The following EYA2 variants were observed in gnomAD, a reference collection of about 807,000 sequenced individuals.
EYA2 encodes protein phosphatase EYA2.
EYA2 carries 31 observed loss-of-function variants against 69.2 expected under a neutral mutation model. The observed-to-expected ratio is 0.45, with a 90% CI of 0.34 to 0.60. The LOEUF is 0.60. Among genes scored for constraint, EYA2 ranks in the 20% least tolerant of loss-of-function variants. The probability of loss-of-function intolerance (pLI) is 0.02; values close to 1 mark genes in which losing one functional copy is unlikely to be tolerated. For synonymous variants in EYA2, 257 were observed against 279.4 expected, an observed-to-expected ratio of 0.92 and a Z score of 0.80; for missense variants, 622 against 701.2, an observed-to-expected ratio of 0.89 and a Z score of 1.28.
chr20:46,908,352 G>A (rs147032633), intron 1 of EYA2, among the ~76,000 whole-genome samples: 21 of 152,298 alleles, frequency 1.4e-4, no homozygotes, highest in East Asian at 9.6e-4. Flanking sequence ...GGAATGCAGC[G>A]CTGAAGGAAT....
intron 9 of EYA2, among the ~76,000 whole-genome samples, chr20:47,140,094 C>T (rs2033563439): frequency 6.6e-6 from 1 of 152,152 alleles, no homozygotes; most frequent in South Asian, 2.1e-4. Context: ...TGCTTCTTGT[C>T]CAGTACATGG....
intron 9 of EYA2, among the ~76,000 whole-genome samples, chr20:47,136,891 C>T (rs2033489436): frequency 6.6e-6 from 1 of 152,168 alleles, no homozygotes; most frequent in African/African-American, 2.4e-5. Flanking sequence ...CCCACCACAC[C>T]ATCATAAAAA....
At chr20:47,089,503 C>T in intron 8 of EYA2, 122 bp downstream of exon 8, 1 of 1,168,204 alleles carries the variant, frequency 8.6e-7, no homozygotes. Context: ...TTTTACAAAG[C>T]ATGAGCAGGG....
At chr20:46,899,395 A>G (rs1240070875) in intron 1 of EYA2, among the ~76,000 whole-genome samples, 1 of 152,252 alleles carries the variant, frequency 6.6e-6, no homozygotes, top group Non-Finnish European at 1.5e-5. Context: ...AACCTCTGTG[A>G]GCCATGACCC....
intron 15 of EYA2, 42 bp downstream of exon 15, chr20:47,183,433 G>T: frequency 1.3e-6 from 2 of 1,588,610 alleles, no homozygotes; most frequent in South Asian, 2.2e-5. Context: ...CTGCTCTTTC[G>T]AGCACCCCTC....
chr20:46,898,047 A>G (rs549491673), intron 1 of EYA2, among the ~76,000 whole-genome samples: 1 of 152,254 alleles, frequency 6.6e-6, no homozygotes, highest in Admixed American at 6.5e-5. Context: ...GCCTGGCCTG[A>G]CATAAATTCC....
chr20:47,107,538 AAAAG>A (rs1386440102), intron 9 of EYA2, among the ~76,000 whole-genome samples: 1 of 148,890 alleles, frequency 6.7e-6, no homozygotes, highest in Non-Finnish European at 1.5e-5. Flanking sequence ...AAAAAAAAAA[AAAAG>A]AAAGAAAGAA....
At chr20:46,928,142 G>A (rs1476252797) in intron 1 of EYA2, among the ~76,000 whole-genome samples, 6 of 152,182 alleles carry the variant, frequency 3.9e-5, no homozygotes, top group Non-Finnish European at 7.3e-5. Flanking sequence ...ACATTACTCA[G>A]CTCTGCACTG....
chr20:46,924,224 C>A (rs762875291), intron 1 of EYA2, among the ~76,000 whole-genome samples: 1 of 152,070 alleles, frequency 6.6e-6, no homozygotes, highest in Non-Finnish European at 1.5e-5. Context: ...TGACAGTGCA[C>A]GGTATGGGTG....
chr20:47,098,440 G>T (rs2032318857), intron 9 of EYA2, among the ~76,000 whole-genome samples: 1 of 152,232 alleles, frequency 6.6e-6, no homozygotes, highest in South Asian at 2.1e-4. Context: ...CACTCATCTT[G>T]CCCTTAGAGG....
intron 1 of EYA2, among the ~76,000 whole-genome samples, chr20:46,943,556 G>A (rs776527921): frequency 6.6e-6 from 1 of 152,162 alleles, no homozygotes; most frequent in African/African-American, 2.4e-5. Context: ...GGGAACATTC[G>A]GAGTCTCAGA....
In EYA2 at chr20:47,016,312, G is replaced by A; in HGVS notation, c.415+15G>A. On this transcript the variant is annotated intron_variant, in intron 5 of 15. Transcript: ENST00000327619. ...CCAGATGCACGGTCAGTGTGGCGCT[G>A]TGGCCCCTTCCTGCCCATCTCTAAG... The A allele has an allele frequency of 1.9e-6, 3 of 1,598,828 alleles. No individual in the cohort carries two copies. The highest frequency in any genetic ancestry group is 2.6e-6 in the Non-Finnish European group (3 of 1,166,070).
chr20:47,035,672 G>T (rs542421957), intron 5 of EYA2, among the ~76,000 whole-genome samples: 9 of 152,216 alleles, frequency 5.9e-5, no homozygotes, highest in African/African-American at 1.7e-4. Flanking sequence ...AATCAGGGCC[G>T]CCATGAATTA....
intron 12 of EYA2, among the ~76,000 whole-genome samples, chr20:47,177,879 CA>C (rs1412694385): frequency 1.3e-5 from 2 of 152,226 alleles, no homozygotes; most frequent in African/African-American, 2.4e-5. Flanking sequence ...ATGGCCAAGG[CA>C]GATGCCAAAC....
chr20:47,080,481 A>G (rs1600693908), intron 7 of EYA2, among the ~76,000 whole-genome samples: 1 of 51,972 alleles, frequency 1.9e-5, no homozygotes, highest in African/African-American at 8.3e-5. Flanking sequence ...GAGGGAAATG[A>G]GGGAGGGAGG....
intron 5 of EYA2, among the ~76,000 whole-genome samples, chr20:47,060,065 A>C (rs1193389434): frequency 6.6e-6 from 1 of 152,220 alleles, no homozygotes; most frequent in Non-Finnish European, 1.5e-5. Flanking sequence ...AGGAGATTTT[A>C]CATACAAATC....
chr20:47,030,043 A>G (rs4810590), intron 5 of EYA2, among the ~76,000 whole-genome samples: 100,182 of 152,128 alleles, frequency 0.66, 35,538 homozygotes, highest in Non-Finnish European at 0.8. Context: ...GCCATAGTCA[A>G]TACGACAACG....
intron 7 of EYA2, among the ~76,000 whole-genome samples, chr20:47,081,450 A>AATC (rs143999066): frequency 0.22 from 33,630 of 151,982 alleles, 4,271 homozygotes; most frequent in South Asian, 0.33. Context: ...CCAGTTAACA[A>AATC]ATCATCATCA....
At chr20:46,991,156 T>G (rs1266056618) in intron 2 of EYA2, among the ~76,000 whole-genome samples, 1 of 152,230 alleles carries the variant, frequency 6.6e-6, no homozygotes, top group African/African-American at 2.4e-5. Flanking sequence ...GAAAATTTAC[T>G]GAGCCCCGTT....
Sources: gnomAD v4.1 joint callset for allele counts (sites outside exome capture counted in the v4.1 genomes callset) on GRCh38, gnomAD v4.1.1 for gene constraint, MANE v1.5 for transcripts, NCBI Gene and HGNC (gene_info 2026-07-23, HGNC 2026-07-21) for gene names.